Variants in GNAQ observed in about 807,000 individuals in gnomAD.
GNAQ encodes the protein guanine nucleotide-binding protein G(q) subunit alpha.
A neutral mutation model predicts 43.9 loss-of-function variants in GNAQ; 8 were observed. The observed-to-expected ratio is 0.18, with a 90% CI of 0.11 to 0.33. The LOEUF (loss-of-function observed/expected upper bound fraction) is 0.33, where lower values mean the gene tolerates loss of function less well. Ranked by LOEUF, GNAQ falls within the 10% of genes least tolerant of loss-of-function variation. The pLI is 1.00. For synonymous variants in GNAQ, 155 were observed against 170.7 expected (o/e 0.91, Z 0.71); for missense variants, 158 against 450.8 (o/e 0.35, Z 5.88).
chr9:77,841,462 G>A (rs79099272), intron 2 of GNAQ, among the ~76,000 whole-genome samples: 100 of 152,126 alleles, frequency 6.6e-4, no homozygotes, highest in African/African-American at 2.2e-3. Context: ...ATCAGTATTC[G>A]GCAATTTTCT....
At position 78,031,137 on chromosome 9, in the gene GNAQ, C is replaced by T. The variant is rs758927982; in HGVS notation, c.99G>A (p.Lys33=). ...GCTTGAGCTCCCGGCGGGCGTCCCGCTTGTCCCTGCGGAGCTGCCGCTCGA... is the reference window on the plus strand; with the variant it reads ...GCTTGAGCTCCCGGCGGGCGTCCCGTTTGTCCCTGCGGAGCTGCCGCTCGA... ...DEIERQLRRD[K]RDARRELKLL... is the part of the protein sequence containing the mutation. Residue 33 remains lysine (K), a synonymous_variant, in exon 1 of 7, where the codon AAG becomes AAA. Transcript: ENST00000286548. The T allele has an allele frequency of 7.8e-6, 12 of 1,539,564 alleles. No homozygotes were observed. The highest frequency in any genetic ancestry group is 2.8e-5 in the African/African-American group (2 of 70,208).
intron 2 of GNAQ, among the ~76,000 whole-genome samples, chr9:77,841,371 C>A (rs1587941005): frequency 1.3e-5 from 2 of 152,022 alleles, no homozygotes; most frequent in African/African-American, 4.8e-5. Flanking sequence ...CCTGCAAGGG[C>A]AAATGGGAGG....
intron 1 of GNAQ, among the ~76,000 whole-genome samples, chr9:77,967,120 T>C (rs568715126): frequency 1.3e-5 from 2 of 152,200 alleles, no homozygotes; most frequent in African/African-American, 4.8e-5. Flanking sequence ...ATCTAACGTG[T>C]AGGTGAACTA....
At chr9:77,870,641 T>C (rs1167933783) in intron 2 of GNAQ, among the ~76,000 whole-genome samples, 1 of 152,082 alleles carries the variant, frequency 6.6e-6, no homozygotes. Context: ...GCTAGTTTTT[T>C]ACCCACCAAT....
At chr9:77,895,622 T>C (rs1438585262) in intron 2 of GNAQ, among the ~76,000 whole-genome samples, 1 of 152,102 alleles carries the variant, frequency 6.6e-6, no homozygotes. Flanking sequence ...TTCCTCCTTG[T>C]GAGAGATGAC....
At chr9:77,806,994 G>C (rs1826839968) in intron 3 of GNAQ, among the ~76,000 whole-genome samples, 1 of 152,198 alleles carries the variant, frequency 6.6e-6, no homozygotes, top group African/African-American at 2.4e-5. Context: ...GGTCATGTCA[G>C]TTATGTCACC....
At chr9:77,858,952 G>A (rs892316349) in intron 2 of GNAQ, among the ~76,000 whole-genome samples, 7 of 151,732 alleles carry the variant, frequency 4.6e-5, no homozygotes, top group Non-Finnish European at 8.8e-5. Flanking sequence ...ATTTCCATTC[G>A]TGTCTTTCCA....
intron 2 of GNAQ, among the ~76,000 whole-genome samples, chr9:77,846,453 A>T (rs1015746219): frequency 1.3e-5 from 2 of 152,206 alleles, no homozygotes; most frequent in Non-Finnish European, 2.9e-5. Flanking sequence ...TGATTATGAT[A>T]GGAAAAAAGA....
In GNAQ at chr9:77,762,008, C is replaced by T. The variant is rs867373007; in HGVS notation, c.735+32455G>A. On this transcript the variant is annotated intron_variant, in intron 5 of 6. Transcript: ENST00000286548. ...CCGGGAGGTGAGGGGCGCCTCTGCC[C>T]GGCCGCCCCTCCTGGGAAGTGAGGA... is the stretch of plus-strand genomic sequence containing the variant. Among the ~76,000 whole-genome samples the T allele has an allele frequency of 5.0e-5, 7 of 141,280 alleles. No homozygotes were observed. The South Asian group carries it at 9.1e-4, about 18-fold the overall frequency. 92.7% of individuals were successfully genotyped at this position (141,280 alleles called of 152,430 possible).
chr9:77,920,104 A>C (rs1233022148), intron 2 of GNAQ, among the ~76,000 whole-genome samples: 1 of 151,988 alleles, frequency 6.6e-6, no homozygotes, highest in African/African-American at 2.4e-5. Context: ...GCGCCACTGC[A>C]CTCCAGCCTG....
At chr9:77,888,684 C>T (rs544811767) in intron 2 of GNAQ, among the ~76,000 whole-genome samples, 1 of 152,066 alleles carries the variant, frequency 6.6e-6, no homozygotes, top group Non-Finnish European at 1.5e-5. Flanking sequence ...TTATTCTTCA[C>T]GTGGAACGCT....
chr9:77,829,948 C>CA (rs757830093), intron 2 of GNAQ, among the ~76,000 whole-genome samples: 7 of 151,928 alleles, frequency 4.6e-5, no homozygotes, highest in African/African-American at 7.3e-5. Context: ...GAGACATGAC[C>CA]AATTTTTTTT....
At chr9:77,878,882 C>T (rs1180979211) in intron 2 of GNAQ, among the ~76,000 whole-genome samples, 1 of 151,820 alleles carries the variant, frequency 6.6e-6, no homozygotes, top group East Asian at 2.0e-4. Context: ...CCCATCTCTA[C>T]CAAAAATACA....
At chr9:78,012,984 A>C (rs1324027545) in intron 1 of GNAQ, among the ~76,000 whole-genome samples, 1 of 152,240 alleles carries the variant, frequency 6.6e-6, no homozygotes, top group African/African-American at 2.4e-5. Flanking sequence ...TGATGCTAGC[A>C]GAGATGGACA....
chr9:77,797,039 T>C (rs985543561), intron 4 of GNAQ, among the ~76,000 whole-genome samples: 4 of 152,096 alleles, frequency 2.6e-5, no homozygotes, highest in African/African-American at 9.7e-5. Context: ...TCTCTCTCTT[T>C]TGTTTTTTTT....
intron 2 of GNAQ, among the ~76,000 whole-genome samples, chr9:77,908,681 G>A (rs1181201219): frequency 6.6e-6 from 1 of 152,114 alleles, no homozygotes; most frequent in African/African-American, 2.4e-5. Flanking sequence ...ATGTCTCATG[G>A]CCAAAATCCT....
At chr9:77,999,138 A>T (rs1157749852) in intron 1 of GNAQ, among the ~76,000 whole-genome samples, 1 of 150,144 alleles carries the variant, frequency 6.7e-6, no homozygotes, top group African/African-American at 2.4e-5. Flanking sequence ...AAAAAGTTGA[A>T]TTTGTAATAG....
At chr9:77,728,286 C>A (rs1394368528) in intron 6 of GNAQ, among the ~76,000 whole-genome samples, 1 of 152,198 alleles carries the variant, frequency 6.6e-6, no homozygotes, top group African/African-American at 2.4e-5. Context: ...CGCCACTGTG[C>A]CCAGCCATGA....
intron 1 of GNAQ, among the ~76,000 whole-genome samples, chr9:77,998,952 G>A (rs763523732): frequency 1.3e-5 from 2 of 151,752 alleles, no homozygotes; most frequent in African/African-American, 2.4e-5. Flanking sequence ...TTAGCCAGGT[G>A]TGGTGGCGGG....
Sources: allele counts gnomAD v4.1 joint callset (sites outside exome capture counted in the v4.1 genomes callset), GRCh38; gene constraint gnomAD v4.1.1; transcripts MANE v1.5; gene names NCBI Gene and HGNC (gene_info 2026-07-23, HGNC 2026-07-21).